NOX4: variants seen among roughly 807,000 people sequenced by gnomAD.
The protein encoded by NOX4 is kidney oxidase-1.
In NOX4, 69 loss-of-function variants were observed where a neutral mutation model predicts 87.6. The observed-to-expected ratio is 0.79, with a 90% confidence interval of 0.65 to 0.96. The LOEUF is 0.96. Ranked by LOEUF, NOX4 falls within the 40% of genes least tolerant of loss-of-function variation. The probability of loss-of-function intolerance (pLI) is 0.00; values close to 1 mark genes in which losing one functional copy is unlikely to be tolerated. For synonymous variants in NOX4, 275 were observed against 238.2 expected, an observed-to-expected ratio of 1.15 and a Z score of -1.42; for missense variants, 680 against 681.5, an observed-to-expected ratio of 1.00 and a Z score of 0.02.
At chr11:89,504,902 G>A in the NOX4 span, among the ~76,000 whole-genome samples, 3 of 151,914 alleles carry the variant, frequency 2.0e-5, no homozygotes, top group Admixed American at 6.6e-5. Context: ...TCTCACCTCC[G>A]ATCCCCAAAG....
chr11:89,348,631 A>G (rs896582496), intron 13 of NOX4, among the ~76,000 whole-genome samples: 1 of 152,088 alleles, frequency 6.6e-6, no homozygotes, highest in African/African-American at 2.4e-5. Context: ...GACAAAGGGT[A>G]TTCTAGGCCC....
At position 89,326,281 on chromosome 11, in the gene NOX4, A is replaced by G. The variant is rs532330532; in HGVS notation, c.*475T>C. 1.1e-3 allele frequency: 164 copies of G among 152,906 alleles called. No homozygotes were observed. The Middle Eastern group carries it at 0.014, about 13-fold the overall frequency. The allele number at this position is 152,906 out of a possible 1,614,324, so 9.5% of individuals were successfully genotyped here. A position where few individuals can be genotyped will look rare whatever the true frequency, so the allele number is the denominator to read the frequency against. ...TGTGCTGTGTTTTCAAACATCTAAT[A>G]TATTTGCCTGGAGTGCTTGCAAATT... On this transcript the variant is annotated 3_prime_UTR_variant, in exon 18 of 18. Transcript: ENST00000263317.
intron 8 of NOX4, among the ~76,000 whole-genome samples, chr11:89,417,398 G>C (rs1179174606): frequency 6.6e-6 from 1 of 151,992 alleles, no homozygotes; most frequent in Non-Finnish European, 1.5e-5. Context: ...GGTATCTTAG[G>C]AATTGAATAC....
rs563496158 is a variant in NOX4 at position 89,461,003 on chromosome 11, T to C, written c.154-9108A>G. ...ATAAAAGATGATGAGTTCATGTCCTTTGTAGGGACATGGGTGAAATTGGAA... is the reference window on the plus strand; with the variant it reads ...ATAAAAGATGATGAGTTCATGTCCTCTGTAGGGACATGGGTGAAATTGGAA... On this transcript the variant is annotated intron_variant, in intron 2 of 17. Transcript: ENST00000263317. 8.6e-4 allele frequency among the ~76,000 whole-genome samples: 131 copies of C among 152,286 alleles called. 2 individuals carry two copies. The Middle Eastern group carries it at 0.014, about 16-fold the overall frequency.
chr11:89,398,690 C>A (rs1941644802), intron 11 of NOX4, among the ~76,000 whole-genome samples: 1 of 150,444 alleles, frequency 6.6e-6, no homozygotes, highest in Non-Finnish European at 1.5e-5. Context: ...GTATACATAC[C>A]ATATATATAA....
the NOX4 span, among the ~76,000 whole-genome samples, chr11:89,575,567 A>G: frequency 6.6e-6 from 1 of 152,218 alleles, no homozygotes; most frequent in Non-Finnish European, 1.5e-5. Context: ...ATGGGCAAGT[A>G]TGGCATTGTT....
rs543318055 is a variant in NOX4 at position 89,387,484 on chromosome 11, G to A, written c.1074+12533C>T. On this transcript the variant is annotated intron_variant, in intron 11 of 17. Transcript: ENST00000263317. ...CTCTCTTTTCAGACTCAGCCTGCCT[G>A]TACCCAGGTGATTAAAAAGCTTTAT... Among the ~76,000 whole-genome samples the A allele has an allele frequency of 7.2e-5, 11 of 152,212 alleles. No individual in the cohort carries two copies. In the East Asian group the frequency reaches 1.7e-3, roughly 24 times the overall value.
rs781430033 is a variant in NOX4, at chr11:89,335,927, A to AT, written c.1533dup (p.Tyr512IlefsTer20). ...AACAGTCTTGAATTCAGTGCATGAT[A>AT]TTTTTCTCCAATTATCTTCTGCCAA... On this transcript the variant is annotated frameshift_variant, in exon 17 of 18. Coordinates refer to ENST00000263317, the MANE Select transcript of NOX4 (RefSeq NM_016931.5). LOFTEE classifies it high-confidence loss of function. 6 of 1,594,510 alleles carry AT rather than the reference A, an allele frequency of 3.8e-6. No individual in the cohort carries two copies. Among genetic ancestry groups the AT allele is most frequent in the Non-Finnish European group, 3.4e-6 (4 of 1,170,758 alleles).
chr11:89,439,053 T>C (rs1375597684), intron 6 of NOX4, among the ~76,000 whole-genome samples: 6 of 131,002 alleles, frequency 4.6e-5, no homozygotes, highest in Non-Finnish European at 9.4e-5. Context: ...ATACTAATAA[T>C]AATACTACTA....
At chr11:89,550,943 C>G in the NOX4 span, among the ~76,000 whole-genome samples, 2 of 152,124 alleles carry the variant, frequency 1.3e-5, no homozygotes, top group Non-Finnish European at 2.9e-5. Context: ...TTTAATCCAT[C>G]TTGAGTTAAT....
intron 2 of NOX4, among the ~76,000 whole-genome samples, chr11:89,477,303 G>C (rs964336026): frequency 6.6e-6 from 1 of 152,030 alleles, no homozygotes; most frequent in Non-Finnish European, 1.5e-5. Flanking sequence ...TCCCTCCTGC[G>C]CAGTTCACAA....
chr11:89,485,475 T>C (rs1178335871), intron 2 of NOX4, among the ~76,000 whole-genome samples: 1 of 152,044 alleles, frequency 6.6e-6, no homozygotes, highest in African/African-American at 2.4e-5. Flanking sequence ...TTAAAATGTT[T>C]ATGGGAATTA....
chr11:89,570,483 C>A, the NOX4 span, among the ~76,000 whole-genome samples: 7 of 152,054 alleles, frequency 4.6e-5, no homozygotes, highest in African/African-American at 1.4e-4. Context: ...TGTATATGTA[C>A]CCCTCGAACC....
At chr11:89,331,727 A>AG (rs1945481043) in intron 17 of NOX4, among the ~76,000 whole-genome samples, 2 of 151,722 alleles carry the variant, frequency 1.3e-5, no homozygotes, top group Admixed American at 1.3e-4. Context: ...TCAAGTATTA[A>AG]TTATAAAATA....
the NOX4 span, among the ~76,000 whole-genome samples, chr11:89,586,102 T>C: frequency 6.6e-6 from 1 of 151,986 alleles, no homozygotes; most frequent in Non-Finnish European, 1.5e-5. Context: ...AATATAATAA[T>C]TTATAACACT....
At chr11:89,330,492 G>C (rs999056022) in intron 17 of NOX4, among the ~76,000 whole-genome samples, 3 of 151,936 alleles carry the variant, frequency 2.0e-5, no homozygotes, top group Admixed American at 2.0e-4. Flanking sequence ...CAAATAGCTA[G>C]GTCTCCCCAT....
At chr11:89,340,735 C>G (rs540434799) in intron 14 of NOX4, among the ~76,000 whole-genome samples, 45 of 152,182 alleles carry the variant, frequency 3.0e-4, no homozygotes, top group Non-Finnish European at 5.6e-4. Context: ...AATTCCAAGT[C>G]TGGATCCCCA....
chr11:89,387,988 T>C (rs970771940), intron 11 of NOX4, among the ~76,000 whole-genome samples: 8 of 152,120 alleles, frequency 5.3e-5, no homozygotes, highest in Non-Finnish European at 1.0e-4. Context: ...AACAAATGGG[T>C]TCCAGCTATT....
chr11:89,477,479 G>T (rs960347180), intron 2 of NOX4, among the ~76,000 whole-genome samples: 1 of 152,222 alleles, frequency 6.6e-6, no homozygotes, highest in Non-Finnish European at 1.5e-5. Flanking sequence ...AACAGGCCAC[G>T]AACTGGTCTC....
Sources: allele counts gnomAD v4.1 joint callset (sites outside exome capture counted in the v4.1 genomes callset), GRCh38; gene constraint gnomAD v4.1.1; transcripts MANE v1.5; gene names NCBI Gene and HGNC (gene_info 2026-07-23, HGNC 2026-07-21).